The following ZDHHC14 variants were observed in gnomAD, a reference collection of about 807,000 sequenced individuals.
The protein encoded by ZDHHC14 is palmitoyltransferase ZDHHC14.
Under a neutral mutation model 47.7 loss-of-function variants are expected in ZDHHC14, and 16 were observed. That is an observed-to-expected ratio of 0.34 (90% confidence interval 0.23 to 0.51). The LOEUF (loss-of-function observed/expected upper bound fraction) is 0.51, where lower values mean the gene tolerates loss of function less well. ZDHHC14 is among the 20% of genes least tolerant of loss of function. The pLI is 0.97. For synonymous variants in ZDHHC14, 293 were observed against 278.9 expected, an observed-to-expected ratio of 1.05 and a Z score of -0.50; for missense variants, 515 against 662.5, an observed-to-expected ratio of 0.78 and a Z score of 2.44.
At position 157,471,769 on chromosome 6, in the gene ZDHHC14, T is replaced by A. The variant is rs1190199956; in HGVS notation, c.246-70816T>A. Among the ~76,000 whole-genome samples the A allele has an allele frequency of 3.3e-5, 5 of 152,204 alleles. No homozygotes were observed. In the East Asian group the frequency reaches 9.6e-4, roughly 29 times the overall value. On this transcript the variant is annotated intron_variant, in intron 1 of 8. Transcript: ENST00000359775. ...TTTGAAATGCCCCTCAGAGGCAGCG[T>A]GGCCGATGTTTTCTGGCGAGATACA...
chr6:157,419,100 A>G (rs538929212), intron 1 of ZDHHC14, among the ~76,000 whole-genome samples: 105 of 152,278 alleles, frequency 6.9e-4, no homozygotes, highest in African/African-American at 2.4e-3. Context: ...TTTCTCCTCT[A>G]GGGACTGTGG....
intron 2 of ZDHHC14, 152 bp from the exon 3 acceptor site, chr6:157,592,836 C>G: frequency 6.9e-7 from 1 of 1,456,662 alleles, no homozygotes; most frequent in Admixed American, 2.9e-5. Flanking sequence ...GAGGGTGAGT[C>G]CCAGAGCCCC....
rs1163151176 is a variant in ZDHHC14, at chr6:157,636,318, AC to A, written c.752+3437del. On this transcript the variant is annotated intron_variant, in intron 5 of 8. Coordinates refer to ENST00000359775, the MANE Select transcript of ZDHHC14 (RefSeq NM_024630.3). ...GACGCACACACACACATATATAAGG[AC>A]TATATAAGGATATATAAGTGTGTGT... Among the ~76,000 whole-genome samples, 5 of 140,866 alleles carry A rather than the reference AC, an allele frequency of 3.5e-5. No homozygotes were observed. In the East Asian group the frequency reaches 1.1e-3, roughly 31 times the overall value. The allele number at this position is 140,866 out of a possible 152,430, so 92.4% of individuals were successfully genotyped here.
Position 157,565,386 on chromosome 6 carries a change from C to T in ZDHHC14, c.406+22641C>T, listed in dbSNP as rs990790437. Among the ~76,000 whole-genome samples, 4 of 152,200 alleles carry T rather than the reference C, an allele frequency of 2.6e-5. No homozygotes were observed. In the East Asian group the frequency reaches 7.7e-4, roughly 29 times the overall value. ...GCTTGCCTATTGTGTGCCTTCAACA[C>T]ATTTACCATCTGTGGGAATAAGGCA... On this transcript the variant is annotated intron_variant, in intron 2 of 8. Coordinates refer to ENST00000359775, the MANE Select transcript of ZDHHC14 (RefSeq NM_024630.3).
In ZDHHC14 at chr6:157,645,728, T is replaced by A; in HGVS notation, c.753-9T>A. ...CCTCACTTCCGCTTGCCTCCTTGAC[T>A]CGCATCACCGTCCTGGAGGCTGTGG... On this transcript the variant is annotated splice_polypyrimidine_tract_variant and intron_variant, in intron 5 of 8. Transcript: ENST00000359775. 2 of 1,612,748 alleles carry A rather than the reference T, an allele frequency of 1.2e-6. No homozygotes were observed. The highest frequency in any genetic ancestry group is 1.7e-6 in the Non-Finnish European group (2 of 1,179,370).
At chr6:157,540,516 C>T (rs141586515) in intron 1 of ZDHHC14, among the ~76,000 whole-genome samples, 2 of 152,294 alleles carry the variant, frequency 1.3e-5, no homozygotes, top group South Asian at 4.1e-4. Flanking sequence ...AAGTAGCCAT[C>T]CTTGGAGAAG....
intron 1 of ZDHHC14, among the ~76,000 whole-genome samples, chr6:157,521,677 A>G (rs555048502): frequency 3.3e-5 from 5 of 152,342 alleles, no homozygotes; most frequent in Admixed American, 3.3e-4. Context: ...ATTGGCGGTT[A>G]GGATGAATTT....
At chr6:157,437,788 T>C (rs544007585) in intron 1 of ZDHHC14, among the ~76,000 whole-genome samples, 5 of 152,218 alleles carry the variant, frequency 3.3e-5, no homozygotes, top group Non-Finnish European at 7.3e-5. Flanking sequence ...CTATGTGTGC[T>C]GTGATTCATT....
At chr6:157,643,586 T>C (rs2114977190) in intron 5 of ZDHHC14, among the ~76,000 whole-genome samples, 1 of 146,176 alleles carries the variant, frequency 6.8e-6, no homozygotes, top group South Asian at 2.3e-4. Flanking sequence ...AGGCGGAGGT[T>C]GCAGTGAGCT....
intron 1 of ZDHHC14, among the ~76,000 whole-genome samples, chr6:157,410,187 C>A (rs1431459251): frequency 6.6e-6 from 1 of 152,192 alleles, no homozygotes; most frequent in African/African-American, 2.4e-5. Context: ...TGGCTTCTGT[C>A]TGTGGCCAGG....
intron 1 of ZDHHC14, among the ~76,000 whole-genome samples, chr6:157,406,183 C>G (rs1777757801): frequency 6.6e-6 from 1 of 152,194 alleles, no homozygotes; most frequent in African/African-American, 2.4e-5. Flanking sequence ...GAACAGGAAG[C>G]TGCAGTTGGG....
chr6:157,590,245 A>G (rs764415366), intron 2 of ZDHHC14, among the ~76,000 whole-genome samples: 5 of 152,226 alleles, frequency 3.3e-5, no homozygotes, highest in Non-Finnish European at 7.3e-5. Flanking sequence ...CATAAGAAAC[A>G]AGGAGCTGAA....
At chr6:157,474,724 T>C (rs1779437586) in intron 1 of ZDHHC14, among the ~76,000 whole-genome samples, 1 of 152,240 alleles carries the variant, frequency 6.6e-6, no homozygotes, top group African/African-American at 2.4e-5. Flanking sequence ...TTGAGAAATG[T>C]CTATTCTCAT....
At chr6:157,606,146 T>C (rs2114914998) in intron 3 of ZDHHC14, among the ~76,000 whole-genome samples, 1 of 152,278 alleles carries the variant, frequency 6.6e-6, no homozygotes, top group Non-Finnish European at 1.5e-5. Context: ...CATTTTCCCC[T>C]TCACGGTTCC....
chr6:157,617,793 A>G (rs190031778), intron 3 of ZDHHC14, among the ~76,000 whole-genome samples: 102 of 152,352 alleles, frequency 6.7e-4, no homozygotes, highest in African/African-American at 2.4e-3. Context: ...GTGGGCAGAC[A>G]TCAGAAGCTG....
intron 8 of ZDHHC14, among the ~76,000 whole-genome samples, chr6:157,660,114 A>T (rs1392419937): frequency 6.6e-6 from 1 of 151,846 alleles, no homozygotes; most frequent in East Asian, 1.9e-4. Flanking sequence ...TGAGACTTGG[A>T]TATGTTGAGT....
intron 1 of ZDHHC14, among the ~76,000 whole-genome samples, chr6:157,405,507 C>T (rs1474588053): frequency 6.6e-6 from 1 of 152,162 alleles, no homozygotes; most frequent in Non-Finnish European, 1.5e-5. Flanking sequence ...GCTGGGATTA[C>T]AGGCGTGAGC....
At chr6:157,620,142 G>C (rs1024944047) in intron 3 of ZDHHC14, among the ~76,000 whole-genome samples, 21 of 152,296 alleles carry the variant, frequency 1.4e-4, no homozygotes, top group African/African-American at 5.1e-4. Flanking sequence ...AAAGAAAAGG[G>C]ATTTATTTCT....
At chr6:157,607,017 G>A (rs1429365677) in intron 3 of ZDHHC14, among the ~76,000 whole-genome samples, 3 of 149,974 alleles carry the variant, frequency 2.0e-5, no homozygotes, top group Non-Finnish European at 4.4e-5. Context: ...TGTGGAAGAT[G>A]ATAAACCATA....
Sources: gnomAD v4.1 joint callset for allele counts (sites outside exome capture counted in the v4.1 genomes callset) on GRCh38, gnomAD v4.1.1 for gene constraint, MANE v1.5 for transcripts, NCBI Gene and HGNC (gene_info 2026-07-23, HGNC 2026-07-21) for gene names.